PHLDB3: variants seen among roughly 807,000 people sequenced by gnomAD.
PHLDB3 encodes pleckstrin homology like domain family B member 3.
In PHLDB3, 86 loss-of-function variants were observed where a neutral mutation model predicts 85.7. That is an observed-to-expected ratio of 1.00 (90% confidence interval 0.84 to 1.20). PHLDB3 has a LOEUF of 1.20. Among genes scored for constraint, PHLDB3 ranks in the 50% most tolerant of loss-of-function variants. The pLI is 0.00. For synonymous variants in PHLDB3, 376 were observed against 349.8 expected, an observed-to-expected ratio of 1.07 and a Z score of -0.83; for missense variants, 995 against 873.0, an observed-to-expected ratio of 1.14 and a Z score of -1.76.
chr19:43,485,176 C>T (rs1971126730), intron 13 of PHLDB3, among the ~76,000 whole-genome samples: 1 of 151,798 alleles, frequency 6.6e-6, no homozygotes. Context: ...TACTCCTTCT[C>T]TCATGCATAT....
chr19:43,481,009 T>G (rs908879233), intron 13 of PHLDB3, among the ~76,000 whole-genome samples: 1 of 152,182 alleles, frequency 6.6e-6, no homozygotes, highest in Non-Finnish European at 1.5e-5. Flanking sequence ...ACATCTCAGA[T>G]TTCTTCATGC....
In PHLDB3 at chr19:43,495,349, G is replaced by A; in HGVS notation, c.952-10C>T. On this transcript the variant is annotated splice_polypyrimidine_tract_variant and intron_variant, in intron 7 of 15. Transcript: ENST00000292140. ...GCAGCCGGCTCCGTTCCTACCAGAA[G>A]ATATGGACAGCTACGTGTCAAAGTC... 6.2e-7 allele frequency: 1 copy of A among 1,612,416 alleles called. No individual in the cohort carries two copies. Among genetic ancestry groups the A allele is most frequent in the Non-Finnish European group, 8.5e-7 (1 of 1,179,190 alleles).
chr19:43,475,373 G>A lies in PHLDB3; in HGVS notation c.*37C>T, dbSNP rs1335872513. The stretch of plus-strand genomic sequence containing the variant: ...CGCCCCCGCGCCCCGCGCCGGCGGA[G>A]CCTCGAAGGGACTTCCCCCCAAGAG... On this transcript the variant is annotated 3_prime_UTR_variant, in exon 16 of 16. Transcript: ENST00000292140. 2.5e-6 allele frequency: 4 copies of A among 1,599,316 alleles called. No homozygotes were observed. Among genetic ancestry groups the A allele is most frequent in the Non-Finnish European group, 3.4e-6 (4 of 1,170,128 alleles).
rs905518779 is a variant in PHLDB3 at position 43,503,477 on chromosome 19, A to AT, written c.213+428dup. 5.3e-3 allele frequency among the ~76,000 whole-genome samples: 794 copies of AT among 148,600 alleles called. 4 individuals are homozygous for AT. The highest frequency in any genetic ancestry group is 0.018 in the African/African-American group (731 of 40,478). On this transcript the variant is annotated intron_variant, in intron 2 of 15. Transcript: ENST00000292140. ...GGCACTGCGCTTGGACAATTTTTGT[A>AT]TTTTTTTTTTCTCTAGAGACAGGGA...
intron 4 of PHLDB3, among the ~76,000 whole-genome samples, chr19:43,501,015 C>CCATATGAT (rs928037277): frequency 6.6e-6 from 1 of 150,656 alleles, no homozygotes; most frequent in African/African-American, 2.4e-5. Flanking sequence ...TATGTACAGA[C>CCATATGAT]CATATGATGT....
At chr19:43,477,977 G>A (rs1355964323) in intron 15 of PHLDB3, 70 bp downstream of exon 15, 5 of 1,288,454 alleles carry the variant, frequency 3.9e-6, no homozygotes, top group South Asian at 3.8e-5. Context: ...GGATGAGCCA[G>A]GGATGAGATA....
At chr19:43,490,245 G>C (rs1349716008) in intron 9 of PHLDB3, among the ~76,000 whole-genome samples, 1 of 151,950 alleles carries the variant, frequency 6.6e-6, no homozygotes, top group African/African-American at 2.4e-5. Context: ...AATATTTAGG[G>C]GTTAAGGGGA....
intron 5 of PHLDB3, among the ~76,000 whole-genome samples, 158 bp downstream of exon 5, chr19:43,497,590 T>C (rs902455957): frequency 6.6e-6 from 1 of 152,106 alleles, no homozygotes; most frequent in Non-Finnish European, 1.5e-5. Context: ...TGCGCACCTG[T>C]AGTCCCAGCT....
At position 43,497,851 on chromosome 19, in the gene PHLDB3, C is replaced by T. The variant is rs376140257; in HGVS notation, c.560G>A (p.Arg187Gln). Residue 187 changes from arginine to glutamine, a missense_variant, in exon 5 of 16, where the codon CGG becomes CAG. By Grantham distance (43) the Arg-to-Gln change is conservative. Transcript: ENST00000292140. ...EQEQRRLSQE[R>Q]DRLEGLRQRL... The stretch of plus-strand genomic sequence containing the variant: ...CTGGCGAAGACCCTCTAGGCGATCC[C>T]GTTCCTGGCTCAGCCGCCTCTGTTC... 63 of 1,583,348 alleles carry T rather than the reference C, an allele frequency of 4.0e-5. No homozygotes were observed. Among genetic ancestry groups the T allele is most frequent in the African/African-American group, 2.3e-4 (17 of 74,288 alleles).
intron 13 of PHLDB3, chr19:43,485,954 G>C (rs1971145140): frequency 1.0e-6 from 1 of 984,406 alleles, no homozygotes; most frequent in Non-Finnish European, 1.2e-6. Context: ...AGGATTGCTT[G>C]AGGCCAGGAA....
At chr19:43,496,069 T>C (rs1190559390) in intron 6 of PHLDB3, 1 of 151,068 alleles carries the variant, frequency 6.6e-6, no homozygotes, top group Non-Finnish European at 1.4e-5. Flanking sequence ...CAGGCTGGAG[T>C]GCAATGGCTC....
chr19:43,477,539 T>G (rs1291159609), intron 15 of PHLDB3, among the ~76,000 whole-genome samples: 10 of 120,330 alleles, frequency 8.3e-5, no homozygotes, highest in Admixed American at 3.7e-4. Context: ...GAGCCACGTG[T>G]GGTGCGGTGG....
intron 10 of PHLDB3, 37 bp from the exon 11 acceptor site, chr19:43,486,907 A>C (rs1568476707): frequency 6.7e-7 from 1 of 1,500,428 alleles, no homozygotes; most frequent in African/African-American, 1.4e-5. Flanking sequence ...GGCTGGATAC[A>C]CCCTGGCCTG....
Position 43,487,082 on chromosome 19 carries a change from T to C in PHLDB3, c.1191A>G (p.Lys397=). 1 of 1,576,626 alleles carries C rather than the reference T, an allele frequency of 6.3e-7. No homozygotes were observed. The highest frequency in any genetic ancestry group is 8.6e-7 in the Non-Finnish European group (1 of 1,161,344). The part of the protein sequence containing the change: ...GLQRTGSLPR[K]RGERGSQRGS... Reference sequence around the variant, plus strand: ...CTCTCTGGCTCCCCCTCTCCCCCCTTTTCCGGGGCAGGCTCCCAGTCCTCT... The same window carrying C: ...CTCTCTGGCTCCCCCTCTCCCCCCTCTTCCGGGGCAGGCTCCCAGTCCTCT... The change falls in exon 10 of 16, where the codon AAA becomes AAG. Residue 397 remains lysine (K), a synonymous_variant. Coordinates refer to ENST00000292140, the MANE Select transcript of PHLDB3 (RefSeq NM_198850.4).
chr19:43,486,726 T>C (rs374432429), intron 11 of PHLDB3, 30 bp from the exon 12 acceptor site: 33 of 1,612,836 alleles, frequency 2.0e-5, no homozygotes, highest in Non-Finnish European at 2.7e-5. Context: ...ACGGGGTGGG[T>C]TACAGTGGCT....
At chr19:43,477,651 C>T (rs1025270066) in intron 15 of PHLDB3, among the ~76,000 whole-genome samples, 1 of 150,312 alleles carries the variant, frequency 6.7e-6, no homozygotes, top group Non-Finnish European at 1.5e-5. Context: ...CCCGTCTCTA[C>T]TAAAAATACA....
chr19:43,486,295 A>T lies in PHLDB3; in HGVS notation c.1456T>A (p.Ser486Thr). ...ATGGCAGGAACAGCAGGGCCTGAGG[A>T]ACCTTCCGTGCCCCTTCTTGTTCCT... Reference protein sequence around the residue: ...REGTRRGTEGSSGPAVPAITA... With the variant: ...REGTRRGTEGTSGPAVPAITA... The change falls in exon 13 of 16, where the codon TCC becomes ACC. Residue 486 changes from serine (S) to threonine (T), a missense_variant. By Grantham distance (58) the Ser-to-Thr change is moderately conservative. Transcript: ENST00000292140. 1 of 1,609,994 alleles carries T rather than the reference A, an allele frequency of 6.2e-7. No individual in the cohort carries two copies. Among genetic ancestry groups the T allele is most frequent in the Non-Finnish European group, 8.5e-7 (1 of 1,178,496 alleles).
intron 13 of PHLDB3, among the ~76,000 whole-genome samples, chr19:43,484,172 A>G (rs889738545): frequency 4.0e-5 from 6 of 150,476 alleles, no homozygotes; most frequent in African/African-American, 1.5e-4. Context: ...AATCGCTTGA[A>G]CCCTGGAGGC....
At chr19:43,494,857 C>T in intron 8 of PHLDB3, 42 bp from the exon 9 acceptor site, 1 of 1,465,514 alleles carries the variant, frequency 6.8e-7, no homozygotes, top group South Asian at 1.2e-5. Context: ...CAGGAGAGAC[C>T]CCAGAGCAAC....
Sources: gnomAD v4.1 joint callset for allele counts (sites outside exome capture counted in the v4.1 genomes callset) on GRCh38, gnomAD v4.1.1 for gene constraint, MANE v1.5 for transcripts, NCBI Gene and HGNC (gene_info 2026-07-23, HGNC 2026-07-21) for gene names.